DLG2: variants seen among roughly 807,000 people sequenced by gnomAD.
DLG2 encodes discs large MAGUK scaffold protein 2, also known as disks large homolog 2.
Under a neutral mutation model 132.5 loss-of-function variants are expected in DLG2, and 45 were observed. The observed-to-expected ratio is 0.34, with a 90% CI of 0.27 to 0.44. The LOEUF (loss-of-function observed/expected upper bound fraction) is 0.44. Ranked by LOEUF, DLG2 falls within the 20% of genes least tolerant of loss-of-function variation. The pLI, the probability that DLG2 is intolerant of heterozygous loss-of-function variation, is 1.00. For missense variants in DLG2, 1,045 were observed against 1,196.9 expected (o/e 0.87, Z 1.87); for synonymous variants, 424 against 419.6 (o/e 1.01, Z -0.13).
chr11:85,513,937 T>A (rs2094126348), intron 3 of DLG2, among the ~76,000 whole-genome samples: 2 of 151,976 alleles, frequency 1.3e-5, no homozygotes, highest in African/African-American at 4.8e-5. Flanking sequence ...TTCCCCATCC[T>A]CATTGTTTCT....
intron 18 of DLG2, among the ~76,000 whole-genome samples, chr11:83,708,474 C>T (rs1432905429): frequency 3.3e-5 from 5 of 152,180 alleles, no homozygotes; most frequent in South Asian, 2.1e-4. Context: ...AGCTATATAA[C>T]CTATGAAAGG....
chr11:85,333,322 A>C (rs2081902296), intron 3 of DLG2, among the ~76,000 whole-genome samples: 1 of 152,222 alleles, frequency 6.6e-6, no homozygotes, highest in South Asian at 2.1e-4. Flanking sequence ...GTTGTTTATC[A>C]GTTCTAGGAT....
At chr11:85,148,505 G>A (rs2077007719) in intron 5 of DLG2, among the ~76,000 whole-genome samples, 2 of 152,190 alleles carry the variant, frequency 1.3e-5, no homozygotes, top group African/African-American at 4.8e-5. Flanking sequence ...AATGATCAGT[G>A]ATGTTGAGCT....
At chr11:84,015,305 T>C (rs2095114349) in intron 11 of DLG2, among the ~76,000 whole-genome samples, 1 of 152,110 alleles carries the variant, frequency 6.6e-6, no homozygotes, top group Non-Finnish European at 1.5e-5. Flanking sequence ...CTCACTGACT[T>C]AGCACTATCA....
rs2098429207 is a variant in DLG2, at chr11:84,325,992, A to G, written c.520-74701T>C. 2.0e-5 allele frequency among the ~76,000 whole-genome samples: 3 copies of G among 151,994 alleles called. No individual in the cohort carries two copies. The South Asian group carries it at 6.2e-4, about 31-fold the overall frequency. On this transcript the variant is annotated intron_variant, in intron 7 of 27. Transcript: ENST00000376104. Reference sequence around the variant, plus strand: ...TTTGGAAGGTTATATGTTTCTAGGAATTTGTTCATTTCATCTAGGTTGTCT... The same window carrying G: ...TTTGGAAGGTTATATGTTTCTAGGAGTTTGTTCATTTCATCTAGGTTGTCT...
chr11:84,042,599 A>G (rs1008382806), intron 11 of DLG2, among the ~76,000 whole-genome samples: 2 of 151,822 alleles, frequency 1.3e-5, no homozygotes, highest in African/African-American at 4.8e-5. Context: ...TAGATCCCAA[A>G]TGTTTATCAA....
intron 6 of DLG2, among the ~76,000 whole-genome samples, chr11:85,003,665 T>C (rs2058399948): frequency 6.6e-6 from 1 of 152,190 alleles, no homozygotes; most frequent in African/African-American, 2.4e-5. Context: ...ACAGATGATT[T>C]TTGCCATTGA....
At chr11:85,110,264 A>C (rs1365239857) in intron 6 of DLG2, among the ~76,000 whole-genome samples, 1 of 152,030 alleles carries the variant, frequency 6.6e-6, no homozygotes, top group Non-Finnish European at 1.5e-5. Context: ...TACGAAAAAA[A>C]AAATTAGCTG....
chr11:85,093,280 C>G (rs1048258476), intron 6 of DLG2, among the ~76,000 whole-genome samples: 1 of 148,934 alleles, frequency 6.7e-6, no homozygotes, highest in Non-Finnish European at 1.5e-5. Context: ...AAGTCATACA[C>G]AATTCAATCA....
intron 6 of DLG2, among the ~76,000 whole-genome samples, chr11:84,811,765 T>C (rs529290952): frequency 6.4e-4 from 97 of 152,326 alleles, no homozygotes; most frequent in African/African-American, 2.3e-3. Context: ...ATAGAAACTA[T>C]GCTAGGCCAT....
intron 9 of DLG2, among the ~76,000 whole-genome samples, chr11:84,109,905 C>T (rs138016797): frequency 1.6e-3 from 247 of 152,292 alleles, no homozygotes; most frequent in African/African-American, 5.3e-3. Context: ...GCCTCCCCAT[C>T]GGTCCCTACA....
At chr11:84,000,016 T>C (rs1420125765) in intron 11 of DLG2, among the ~76,000 whole-genome samples, 2 of 149,438 alleles carry the variant, frequency 1.3e-5, no homozygotes, top group Non-Finnish European at 3.0e-5. Context: ...TAGTAACAGA[T>C]CCCAAGCAAA....
intron 14 of DLG2, among the ~76,000 whole-genome samples, chr11:83,941,014 G>A (rs374697700): frequency 2.0e-5 from 3 of 152,304 alleles, no homozygotes; most frequent in South Asian, 2.1e-4. Context: ...CATGAGAGAC[G>A]ATTCCCTCTT....
intron 22 of DLG2, among the ~76,000 whole-genome samples, chr11:83,479,322 G>A (rs11606666): frequency 0.35 from 52,917 of 151,424 alleles, 9,345 homozygotes; most frequent in Middle Eastern, 0.45. Flanking sequence ...TTGTACCACT[G>A]TTTGGCCTTC....
chr11:85,214,880 G>C (rs2082479864), intron 4 of DLG2, among the ~76,000 whole-genome samples: 1 of 152,142 alleles, frequency 6.6e-6, no homozygotes, highest in African/African-American at 2.4e-5. Context: ...TGCTCTGAAT[G>C]ATAAATCTTT....
At chr11:85,167,882 C>A (rs2078574039) in intron 4 of DLG2, among the ~76,000 whole-genome samples, 1 of 152,064 alleles carries the variant, frequency 6.6e-6, no homozygotes, top group Non-Finnish European at 1.5e-5. Context: ...CAGAAAACAG[C>A]ATGCTACCAT....
chr11:83,705,212 C>G (rs531227394), intron 18 of DLG2, among the ~76,000 whole-genome samples: 1 of 152,116 alleles, frequency 6.6e-6, no homozygotes, highest in Non-Finnish European at 1.5e-5. Flanking sequence ...GAGTTCTAAA[C>G]TTCTTTTCTC....
At chr11:84,106,776 G>A (rs2092944094) in intron 9 of DLG2, among the ~76,000 whole-genome samples, 2 of 151,348 alleles carry the variant, frequency 1.3e-5, no homozygotes, top group South Asian at 4.2e-4. Flanking sequence ...CTCCTGAGAA[G>A]CAAAGAAAAG....
chr11:84,458,339 C>T (rs1458629800), intron 7 of DLG2, among the ~76,000 whole-genome samples: 1 of 150,730 alleles, frequency 6.6e-6, no homozygotes, highest in Non-Finnish European at 1.5e-5. Flanking sequence ...TAAGTGTTGC[C>T]AAATTGCCTT....
Sources: gnomAD v4.1 joint callset for allele counts (sites outside exome capture counted in the v4.1 genomes callset) on GRCh38, gnomAD v4.1.1 for gene constraint, MANE v1.5 for transcripts, NCBI Gene and HGNC (gene_info 2026-07-23, HGNC 2026-07-21) for gene names.